HERC2: variants seen among roughly 807,000 people sequenced by gnomAD.
HERC2 encodes the protein E3 ubiquitin-protein ligase HERC2.
Under a neutral mutation model 537.7 loss-of-function variants are expected in HERC2, and 102 were observed. The ratio of observed to expected loss-of-function variants is 0.19; its 90% confidence interval spans 0.16 to 0.22. The LOEUF (loss-of-function observed/expected upper bound fraction) is 0.22. Among genes scored for constraint, HERC2 ranks in the 10% least tolerant of loss-of-function variants. The probability of loss-of-function intolerance (pLI) is 1.00; values close to 1 mark genes in which losing one functional copy is unlikely to be tolerated. For synonymous variants in HERC2, 2,224 were observed against 2,466.2 expected (o/e 0.90, Z 2.91); for missense variants, 4,236 against 6,198.2 (o/e 0.68, Z 10.63).
chr15:28,177,531 G>C lies in HERC2; in HGVS notation c.9164-22C>G, dbSNP rs761942158. On this transcript the variant is annotated intron_variant, in intron 59 of 92. Transcript: ENST00000261609. The surrounding 1 kb of genome is among the most constrained non-coding windows in gnomAD (Gnocchi z 5.0). ...CCACCTGCAACATTCACAGACACAC[G>C]GATTGCCAAAGGGCAGGGAACAGAA... 1 of 1,611,942 alleles carries C rather than the reference G, an allele frequency of 6.2e-7. No homozygotes were observed. Among genetic ancestry groups the C allele is most frequent in the Non-Finnish European group, 8.5e-7 (1 of 1,178,074 alleles).
chr15:28,119,239 CA>C (rs979198745), intron 86 of HERC2, among the ~76,000 whole-genome samples: 2 of 150,706 alleles, frequency 1.3e-5, no homozygotes, highest in African/African-American at 5.0e-5. Flanking sequence ...ACTAAAAATA[CA>C]AAAAAAAAAA....
intron 59 of HERC2, among the ~76,000 whole-genome samples, chr15:28,178,050 C>G (rs1050188262): frequency 1.3e-5 from 2 of 152,200 alleles, no homozygotes; most frequent in African/African-American, 4.8e-5. Flanking sequence ...GAGTTCCTGC[C>G]AACTCCTGGG....
At chr15:28,112,087 CTT>C (rs769976641) in intron 92 of HERC2, 52 bp from the exon 93 acceptor site, 8 of 1,547,552 alleles carry the variant, frequency 5.2e-6, no homozygotes, top group African/African-American at 4.1e-5. Flanking sequence ...CTGCAGTTTA[CTT>C]TACTGTGCTC....
At chr15:28,167,896 C>A in intron 67 of HERC2, 69 bp from the exon 68 acceptor site, 1 of 1,504,696 alleles carries the variant, frequency 6.6e-7, no homozygotes, top group Non-Finnish European at 9.0e-7. Flanking sequence ...ATTTCCTATG[C>A]AAGTCCCAAA....
intron 69 of HERC2, among the ~76,000 whole-genome samples, chr15:28,153,523 T>G (rs1249689048): frequency 2.0e-5 from 3 of 151,978 alleles, no homozygotes; most frequent in African/African-American, 7.2e-5. Context: ...TGGTGGCCCG[T>G]GCCTGTAGTC....
intron 57 of HERC2, among the ~76,000 whole-genome samples, chr15:28,181,781 C>A (rs1386444434): frequency 6.6e-6 from 1 of 152,220 alleles, no homozygotes; most frequent in African/African-American, 2.4e-5. Context: ...ACCTCTCATC[C>A]AAGTACCTAG....
rs185293415 is a variant in HERC2, at chr15:28,189,498, T to G, written c.8649+1467A>C. Among the ~76,000 whole-genome samples, 222 of 152,324 alleles carry G rather than the reference T, an allele frequency of 1.5e-3. 1 individual carries two copies. The highest frequency in any genetic ancestry group is 0.01 in the Middle Eastern group (3 of 294). On this transcript the variant is annotated intron_variant, in intron 55 of 92. Transcript: ENST00000261609. The stretch of plus-strand genomic sequence containing the variant: ...TCAAGATTAATTTTTTCAGATAAAT[T>G]CAATATTATCTTTCATTTTTATAGT...
chr15:28,192,472 A>G (rs1198596002), intron 52 of HERC2, among the ~76,000 whole-genome samples: 2 of 152,236 alleles, frequency 1.3e-5, no homozygotes, highest in Non-Finnish European at 2.9e-5. Context: ...CTTATTAAAA[A>G]TGCTTTTATA....
Position 28,111,779 on chromosome 15 carries a change from T to C in HERC2, c.14489A>G (p.Tyr4830Cys). ...TTCCCCATCTTAGTGTCCTGTTAAATAATCTTGTGTAGAGTCCGAAGCAAA... is the reference window on the plus strand; with the variant it reads ...TTCCCCATCTTAGTGTCCTGTTAAACAATCTTGTGTAGAGTCCGAAGCAAA... ...DSFASDSTQD[Y>C]LTGH Residue 4830 changes from tyrosine (Y) to cysteine (C), a missense_variant, in exon 93 of 93, where the codon TAT becomes TGT. This residue lies in a region of HERC2 where 313 missense variants were observed against 462.6 expected (regional missense o/e 0.68). Coordinates refer to ENST00000261609, the MANE Select transcript of HERC2 (RefSeq NM_004667.6). 2 of 1,613,858 alleles carry C rather than the reference T, an allele frequency of 1.2e-6. No individual in the cohort carries two copies. The highest frequency in any genetic ancestry group is 1.7e-6 in the Non-Finnish European group (2 of 1,179,708).
In HERC2 at chr15:28,268,596, G is replaced by T. The variant is rs139078765; in HGVS notation, c.1467C>A (p.Gly489=). Residue 489 remains glycine, a synonymous_variant, in exon 12 of 93, where the codon GGC becomes GGA. Coordinates refer to ENST00000261609, the MANE Select transcript of HERC2 (RefSeq NM_004667.6). The surrounding 1 kb of genome is among the most constrained non-coding windows in gnomAD (Gnocchi z 4.7). ...TTTTTACAATGTTTCTGGAGGCAAG[G>T]CCTTGGACCAGCTGTGGGGCCTAAA... is the stretch of plus-strand genomic sequence containing the variant. ...SDTLAPQLVQ[G]LASRNIVKIA... is the part of the protein sequence containing the mutation. The T allele has an allele frequency of 6.4e-5, 104 of 1,614,142 alleles. 1 individual carries two copies. The Admixed American group carries it at 1.7e-3, about 26-fold the overall frequency.
chr15:28,185,784 A>C (rs190397400), intron 56 of HERC2, among the ~76,000 whole-genome samples: 34 of 152,140 alleles, frequency 2.2e-4, no homozygotes, highest in Non-Finnish European at 2.9e-5. Flanking sequence ...TCCAATGCAG[A>C]CTCTCAAGGC....
chr15:28,248,505 C>T (rs757804419), intron 21 of HERC2, 47 bp downstream of exon 21: 40 of 1,458,696 alleles, frequency 2.7e-5, no homozygotes, highest in South Asian at 2.2e-4. Context: ...CCTAAAGTAA[C>T]GAGCCCCGAT....
At chr15:28,311,283 G>A (rs988080697) in intron 2 of HERC2, among the ~76,000 whole-genome samples, 70 of 151,818 alleles carry the variant, frequency 4.6e-4, no homozygotes, top group African/African-American at 1.0e-3. Context: ...AAAGCAACAC[G>A]GTGAAACTCG....
chr15:28,163,161 C>T lies in HERC2; in HGVS notation c.10679G>A (p.Arg3560Gln), dbSNP rs779071996. 7 of 1,613,244 alleles carry T rather than the reference C, an allele frequency of 4.3e-6. No homozygotes were observed. Among genetic ancestry groups the T allele is most frequent in the African/African-American group, 1.3e-5 (1 of 74,922 alleles). Reference sequence around the variant, plus strand: ...CACATCCCTGCCCCTGTCCCCGGCCCGGCTGCACACTGACAGCTTGAGCAG... The same window carrying T: ...CACATCCCTGCCCCTGTCCCCGGCCTGGCTGCACACTGACAGCTTGAGCAG... Reference protein sequence around the residue: ...VDLLKLSVCSRAGDRGRDVLS... With the variant: ...VDLLKLSVCSQAGDRGRDVLS... The change falls in exon 69 of 93, where the codon CGG (arginine) becomes CAG (glutamine). Residue 3560 changes from arginine to glutamine, a missense_variant. Physicochemically the swap from Arg to Gln is conservative, Grantham distance 43. Coordinates refer to ENST00000261609, the MANE Select transcript of HERC2 (RefSeq NM_004667.6).
At chr15:28,270,463 T>C (rs1246547533) in intron 10 of HERC2, among the ~76,000 whole-genome samples, 4 of 152,128 alleles carry the variant, frequency 2.6e-5, no homozygotes, top group Non-Finnish European at 4.4e-5. Flanking sequence ...CTGTGCCACC[T>C]GAACCTGGAA....
At chr15:28,292,113 C>T (rs2076331529) in intron 4 of HERC2, among the ~76,000 whole-genome samples, 1 of 150,594 alleles carries the variant, frequency 6.6e-6, no homozygotes, top group Admixed American at 6.7e-5. Flanking sequence ...CCTGTAATCC[C>T]AGCTACTCGG....
rs1379117642 is a variant in HERC2 at position 28,179,047 on chromosome 15, C to T, written c.9020-17G>A. 1 of 1,611,732 alleles carries T rather than the reference C, an allele frequency of 6.2e-7. No homozygotes were observed. Among genetic ancestry groups the T allele is most frequent in the Non-Finnish European group, 8.5e-7 (1 of 1,178,812 alleles). ...CCACAGTCACTGCAAGGAACGACAG[C>T]CAGGAGAGGACTCTCTTTTCACAAC... On this transcript the variant is annotated splice_polypyrimidine_tract_variant and intron_variant, in intron 58 of 92. Transcript: ENST00000261609.
chr15:28,260,667 C>G, intron 16 of HERC2, 110 bp downstream of exon 16: 1 of 847,330 alleles, frequency 1.2e-6, no homozygotes, highest in Non-Finnish European at 1.9e-6. Flanking sequence ...AGCACAACTG[C>G]AGGACACAAG....
In HERC2 at chr15:28,268,763, C is replaced by G. The variant is rs77819576; in HGVS notation, c.1447-147G>C. On this transcript the variant is annotated intron_variant, in intron 11 of 92. Coordinates refer to ENST00000261609, the MANE Select transcript of HERC2 (RefSeq NM_004667.6). The surrounding 1 kb of genome is among the most constrained non-coding windows in gnomAD (Gnocchi z 4.7). Reference sequence around the variant, plus strand: ...CTCTGGGAACTACGGGGCCGGCTCTCCAGCCCTTCCCACCCAGCAGCAACA... The same window carrying G: ...CTCTGGGAACTACGGGGCCGGCTCTGCAGCCCTTCCCACCCAGCAGCAACA... 794 of 673,456 alleles carry G rather than the reference C, an allele frequency of 1.2e-3. 7 individuals are homozygous for G. In the African/African-American group the frequency reaches 0.012, roughly 10 times the overall value. 41.7% of individuals were successfully genotyped at this position (673,456 alleles called of 1,614,324 possible). A position where few individuals can be genotyped will look rare whatever the true frequency, so the allele number is the denominator to read the frequency against.
Sources: allele counts gnomAD v4.1 joint callset (sites outside exome capture counted in the v4.1 genomes callset), GRCh38; gene constraint gnomAD v4.1.1; regional missense constraint gnomAD v4.1.1; non-coding constraint Gnocchi (gnomAD v3.1); transcripts MANE v1.5; gene names NCBI Gene and HGNC (gene_info 2026-07-23, HGNC 2026-07-21).